LRP1B: variants seen among roughly 807,000 people sequenced by gnomAD.
LRP1B encodes the protein low-density lipoprotein receptor-related protein 1B.
LRP1B carries 217 observed loss-of-function variants against 556.6 expected under a neutral mutation model. The observed-to-expected ratio is 0.39, with a 90% CI of 0.35 to 0.44. The LOEUF is 0.44. Ranked by LOEUF, LRP1B falls within the 20% of genes least tolerant of loss-of-function variation. The probability of loss-of-function intolerance (pLI) is 1.00; values close to 1 mark genes in which losing one functional copy is unlikely to be tolerated. For synonymous variants in LRP1B, 2,047 were observed against 1,865.8 expected (o/e 1.10, Z -2.50); for missense variants, 5,053 against 5,620.8 (o/e 0.90, Z 3.23).
intron 2 of LRP1B, among the ~76,000 whole-genome samples, chr2:141,753,587 C>A (rs1031462604): frequency 4.0e-5 from 6 of 151,834 alleles, no homozygotes; most frequent in African/African-American, 1.5e-4. Flanking sequence ...TGGTAGCTTG[C>A]CTTTCTTTCA....
chr2:140,941,847 T>C lies in LRP1B; in HGVS notation c.3136+8388A>G, dbSNP rs140103567. 2.7e-3 allele frequency among the ~76,000 whole-genome samples: 405 copies of C among 152,196 alleles called. 2 individuals are homozygous for C. Among genetic ancestry groups the C allele is most frequent in the African/African-American group, 9.2e-3 (384 of 41,528 alleles). On this transcript the variant is annotated intron_variant, in intron 20 of 90. Transcript: ENST00000389484. Reference sequence around the variant, plus strand: ...AAGAAGCACCAGCTCCATCAGATAATGAGGAATCAGTTCAAGAACTCTAGC... The same window carrying C: ...AAGAAGCACCAGCTCCATCAGATAACGAGGAATCAGTTCAAGAACTCTAGC...
At chr2:141,059,540 A>G (rs533014145) in intron 8 of LRP1B, among the ~76,000 whole-genome samples, 1 of 151,900 alleles carries the variant, frequency 6.6e-6, no homozygotes, top group South Asian at 2.1e-4. Context: ...TTTGGTCCCA[A>G]TCTATGTTTA....
intron 17 of LRP1B, 98 bp from the exon 18 acceptor site, chr2:140,982,374 G>C: frequency 1.4e-6 from 1 of 702,736 alleles, no homozygotes; most frequent in South Asian, 1.8e-5. Context: ...ACATAAGATA[G>C]TATGTTTCTC....
chr2:141,991,185 G>A (rs1702333264), intron 1 of LRP1B, among the ~76,000 whole-genome samples: 1 of 151,872 alleles, frequency 6.6e-6, no homozygotes, highest in Non-Finnish European at 1.5e-5. Flanking sequence ...AGATCTTTTG[G>A]TCATTATGTA....
At chr2:141,690,772 A>T (rs1168641199) in intron 2 of LRP1B, among the ~76,000 whole-genome samples, 1 of 151,670 alleles carries the variant, frequency 6.6e-6, no homozygotes. Flanking sequence ...ATCAATTAAG[A>T]ATAAATACAC....
At chr2:141,252,662 C>T (rs1343170731) in intron 4 of LRP1B, among the ~76,000 whole-genome samples, 1 of 152,060 alleles carries the variant, frequency 6.6e-6, no homozygotes, top group Non-Finnish European at 1.5e-5. Context: ...TTCAGGAGAG[C>T]AATATGATCG....
Position 140,625,851 on chromosome 2 carries a change from G to C in LRP1B, c.6800-24212C>G, listed in dbSNP as rs1375759530. Reference sequence around the variant, plus strand: ...AAAACTAAATATACTCTCACCATATGATCCAGCATTCATTCACCCTATTAT... The same window carrying C: ...AAAACTAAATATACTCTCACCATATCATCCAGCATTCATTCACCCTATTAT... On this transcript the variant is annotated intron_variant, in intron 41 of 90. Coordinates refer to ENST00000389484, the MANE Select transcript of LRP1B (RefSeq NM_018557.3). 3.9e-5 allele frequency among the ~76,000 whole-genome samples: 6 copies of C among 152,108 alleles called. No individual in the cohort carries two copies. In the East Asian group the frequency reaches 1.2e-3, roughly 29 times the overall value.
rs142422360 is a variant in LRP1B, at chr2:141,292,170, C to T, written c.344-37529G>A. The stretch of plus-strand genomic sequence containing the variant: ...GTGCATGCGAGGGATCTAGGTTGTG[C>T]GCTCCTTATGAGAATCTAATGCCTG... On this transcript the variant is annotated intron_variant, in intron 3 of 90. Coordinates refer to ENST00000389484, the MANE Select transcript of LRP1B (RefSeq NM_018557.3). 2.9e-3 allele frequency among the ~76,000 whole-genome samples: 438 copies of T among 152,178 alleles called. 3 individuals are homozygous for T. Among genetic ancestry groups the T allele is most frequent in the African/African-American group, 9.6e-3 (397 of 41,524 alleles).
At chr2:142,026,353 G>A (rs1351802290) in intron 1 of LRP1B, among the ~76,000 whole-genome samples, 2 of 151,972 alleles carry the variant, frequency 1.3e-5, no homozygotes, top group African/African-American at 4.8e-5. Context: ...GAAAAGACAC[G>A]CCAGGTGACA....
intron 77 of LRP1B, among the ~76,000 whole-genome samples, chr2:140,346,503 C>G (rs1480381351): frequency 6.6e-6 from 1 of 151,832 alleles, no homozygotes; most frequent in East Asian, 1.9e-4. Flanking sequence ...ATGTAATGAT[C>G]TGATAGCTTT....
intron 2 of LRP1B, among the ~76,000 whole-genome samples, chr2:141,660,059 C>A (rs1305410084): frequency 6.6e-6 from 1 of 151,972 alleles, no homozygotes; most frequent in Non-Finnish European, 1.5e-5. Context: ...CGAGAGACAG[C>A]TGCAGTCGGA....
At chr2:141,826,637 G>T (rs1696938994) in intron 1 of LRP1B, among the ~76,000 whole-genome samples, 1 of 152,058 alleles carries the variant, frequency 6.6e-6, no homozygotes. Context: ...GGGATTACAG[G>T]CAAGAGCCAC....
Position 142,115,581 on chromosome 2 carries a change from TA to T in LRP1B, c.82+15066del, listed in dbSNP as rs1252415375. 1.3e-3 allele frequency among the ~76,000 whole-genome samples: 52 copies of T among 41,448 alleles called. 8 individuals are homozygous for T. Among genetic ancestry groups the T allele is most frequent in the African/African-American group, 4.2e-3 (51 of 12,004 alleles). The allele number at this position is 41,448 out of a possible 152,430, so 27.2% of individuals were successfully genotyped here. On this transcript the variant is annotated intron_variant, in intron 1 of 90. Coordinates refer to ENST00000389484, the MANE Select transcript of LRP1B (RefSeq NM_018557.3). ...ATATATGTAATATATATTATATATG[TA>T]ATATATATATTATATATGTAATATA...
At chr2:142,130,604 G>C (rs768915107) in intron 1 of LRP1B, 44 bp downstream of exon 1, 52 of 1,523,468 alleles carry the variant, frequency 3.4e-5, no homozygotes, top group Non-Finnish European at 4.6e-5. Flanking sequence ...CAGCAGGAAA[G>C]CCAAGGAAGT....
intron 1 of LRP1B, among the ~76,000 whole-genome samples, chr2:141,888,084 C>G (rs1053313141): frequency 1.6e-4 from 25 of 152,150 alleles, no homozygotes; most frequent in African/African-American, 5.8e-4. Flanking sequence ...TCAAAGTGTC[C>G]TCCTTCCATG....
intron 41 of LRP1B, among the ~76,000 whole-genome samples, chr2:140,664,767 A>C (rs1211751090): frequency 6.6e-6 from 1 of 152,084 alleles, no homozygotes; most frequent in Non-Finnish European, 1.5e-5. Flanking sequence ...AACGTTCTTA[A>C]GTGCTTTGTG....
At chr2:141,662,974 A>G (rs1329055367) in intron 2 of LRP1B, among the ~76,000 whole-genome samples, 1 of 149,652 alleles carries the variant, frequency 6.7e-6, no homozygotes, top group Non-Finnish European at 1.5e-5. Context: ...AAAAAAAAAG[A>G]AATAATAACA....
At chr2:140,989,737 G>T (rs1440963612) in intron 16 of LRP1B, 80 bp from the exon 17 acceptor site, 1 of 1,394,658 alleles carries the variant, frequency 7.2e-7, no homozygotes, top group Non-Finnish European at 1.0e-6. Context: ...TTACAGAAAA[G>T]TTACAGTAAT....
intron 2 of LRP1B, among the ~76,000 whole-genome samples, chr2:141,485,214 C>T (rs1035948056): frequency 6.6e-6 from 1 of 152,086 alleles, no homozygotes; most frequent in Admixed American, 6.6e-5. Context: ...CTTTGATATA[C>T]TCTTGTCTTG....
Sources: gnomAD v4.1 joint callset for allele counts (sites outside exome capture counted in the v4.1 genomes callset) on GRCh38, gnomAD v4.1.1 for gene constraint, MANE v1.5 for transcripts, NCBI Gene and HGNC (gene_info 2026-07-23, HGNC 2026-07-21) for gene names.